The following TNFSF4 variants were observed in gnomAD, a reference collection of about 807,000 sequenced individuals.
The protein encoded by TNFSF4 is TNF superfamily member 4.
TNFSF4 carries 4 observed loss-of-function variants against 7.3 expected under a neutral mutation model. That is an observed-to-expected ratio of 0.55 (90% CI 0.27 to 1.25). TNFSF4 has a LOEUF of 1.25. TNFSF4 is among the 50% of genes most tolerant of loss of function. The pLI is 0.12. For synonymous variants in TNFSF4, 76 were observed against 83.7 expected (o/e 0.91, Z 0.50); for missense variants, 181 against 208.8 (o/e 0.87, Z 0.82).
chr1:173,312,312 T>G, the TNFSF4 span, among the ~76,000 whole-genome samples: 2 of 152,136 alleles, frequency 1.3e-5, no homozygotes, highest in African/African-American at 4.8e-5. Flanking sequence ...AATTTTCATT[T>G]CATCAGTTGC....
At chr1:173,362,869 TG>T in the TNFSF4 span, 1 of 470,788 alleles carries the variant, frequency 2.1e-6, no homozygotes, top group South Asian at 1.8e-5. Context: ...CTAAGACTTG[TG>T]GACTTCCCAG....
chr1:173,444,687 G>A, the TNFSF4 span, among the ~76,000 whole-genome samples: 2 of 152,094 alleles, frequency 1.3e-5, no homozygotes, highest in Non-Finnish European at 2.9e-5. Context: ...TCTGGTAAAG[G>A]ATAAGATCCT....
the TNFSF4 span, among the ~76,000 whole-genome samples, chr1:173,321,609 A>G: frequency 6.6e-6 from 1 of 152,168 alleles, no homozygotes; most frequent in Non-Finnish European, 1.5e-5. Flanking sequence ...CAGAATCTAC[A>G]AAGAACTTAA....
the TNFSF4 span, chr1:173,418,242 C>G: frequency 6.6e-6 from 1 of 152,184 alleles, no homozygotes; most frequent in Admixed American, 6.5e-5. Context: ...GCCCACGGCA[C>G]CAATGGATCT....
the TNFSF4 span, among the ~76,000 whole-genome samples, chr1:173,396,729 C>T: frequency 6.6e-6 from 1 of 152,178 alleles, no homozygotes; most frequent in Non-Finnish European, 1.5e-5. Context: ...ATTGGTTTAA[C>T]ATAGAGGAAG....
chr1:173,202,080 CA>C (rs1489262577), intron 1 of TNFSF4, among the ~76,000 whole-genome samples: 2 of 145,058 alleles, frequency 1.4e-5, no homozygotes, highest in East Asian at 4.1e-4. Flanking sequence ...TACACACACA[CA>C]TACACATATA....
chr1:173,268,072 C>A, the TNFSF4 span, among the ~76,000 whole-genome samples: 1 of 152,050 alleles, frequency 6.6e-6, no homozygotes, highest in Non-Finnish European at 1.5e-5. Context: ...AGCTATCTTT[C>A]AAGGACAAAG....
At chr1:173,220,196 C>A in the TNFSF4 span, among the ~76,000 whole-genome samples, 1 of 151,790 alleles carries the variant, frequency 6.6e-6, no homozygotes, top group African/African-American at 2.4e-5. Context: ...TAAAAAAAAG[C>A]AAAATTTCTT....
chr1:173,359,311 T>C, the TNFSF4 span, among the ~76,000 whole-genome samples: 1 of 152,122 alleles, frequency 6.6e-6, no homozygotes, highest in Admixed American at 6.5e-5. Context: ...ACTTCACGCC[T>C]GGTCATTTCA....
chr1:173,206,916 A>T (rs1412813444), intron 1 of TNFSF4, 108 bp downstream of exon 1: 1 of 1,325,338 alleles, frequency 7.5e-7, no homozygotes, highest in Non-Finnish European at 1.0e-6. Context: ...GAGGGAAAAA[A>T]AACTCAACAC....
At chr1:173,404,935 AC>A in the TNFSF4 span, among the ~76,000 whole-genome samples, 2 of 152,130 alleles carry the variant, frequency 1.3e-5, no homozygotes, top group Non-Finnish European at 2.9e-5. Flanking sequence ...CCCAGCCCTG[AC>A]TGCCCTCTTT....
the TNFSF4 span, among the ~76,000 whole-genome samples, chr1:173,388,291 C>T: frequency 6.6e-6 from 1 of 152,184 alleles, no homozygotes; most frequent in South Asian, 2.1e-4. Context: ...AAAGAGAGCA[C>T]CTTTAAATGT....
At chr1:173,192,037 C>T (rs1382153770) in intron 1 of TNFSF4, among the ~76,000 whole-genome samples, 1 of 152,124 alleles carries the variant, frequency 6.6e-6, no homozygotes, top group Non-Finnish European at 1.5e-5. Flanking sequence ...ATTAGCAAGG[C>T]GTGGTGGTAT....
At chr1:173,219,091 T>C in the TNFSF4 span, among the ~76,000 whole-genome samples, 1 of 152,180 alleles carries the variant, frequency 6.6e-6, no homozygotes, top group African/African-American at 2.4e-5. Context: ...ATAGGAACAA[T>C]TTTAAAGTCC....
the TNFSF4 span, among the ~76,000 whole-genome samples, chr1:173,265,875 T>G: frequency 6.6e-6 from 1 of 152,192 alleles, no homozygotes; most frequent in Non-Finnish European, 1.5e-5. Context: ...CTTCCTCCGA[T>G]ATTGTATCCT....
chr1:173,372,558 T>C, the TNFSF4 span, among the ~76,000 whole-genome samples: 1 of 152,346 alleles, frequency 6.6e-6, no homozygotes, highest in South Asian at 2.1e-4. Flanking sequence ...AGCAAAAGGC[T>C]GGCCTCACTG....
chr1:173,255,697 T>A, the TNFSF4 span, among the ~76,000 whole-genome samples: 1 of 152,218 alleles, frequency 6.6e-6, no homozygotes, highest in Admixed American at 6.5e-5. Context: ...CTTCACAAGA[T>A]CCACTGAAAC....
chr1:173,209,425 G>A (rs1010877505), upstream of TNFSF4, among the ~76,000 whole-genome samples: 5 of 152,020 alleles, frequency 3.3e-5, no homozygotes, highest in African/African-American at 7.2e-5. Flanking sequence ...TCTTCAAAAC[G>A]TTTTTCAAAA....
the TNFSF4 span, among the ~76,000 whole-genome samples, chr1:173,367,219 C>T: frequency 6.6e-6 from 1 of 152,200 alleles, no homozygotes; most frequent in Non-Finnish European, 1.5e-5. Flanking sequence ...GGACTTTCCA[C>T]AGAGTAGCTT....
Sources: gnomAD v4.1 joint callset for allele counts (sites outside exome capture counted in the v4.1 genomes callset) on GRCh38, gnomAD v4.1.1 for gene constraint, MANE v1.5 for transcripts, NCBI Gene and HGNC (gene_info 2026-07-23, HGNC 2026-07-21) for gene names.